The following AP3S2 variants were observed in gnomAD, a reference collection of about 807,000 sequenced individuals.
AP3S2 encodes adaptor related protein complex 3 subunit sigma 2.
In AP3S2, 22 loss-of-function variants were observed where a neutral mutation model predicts 23.4. The ratio of observed to expected loss-of-function variants is 0.94; its 90% CI spans 0.67 to 1.34. The LOEUF (loss-of-function observed/expected upper bound fraction) is 1.34, where lower values mean the gene tolerates loss of function less well. Among genes scored for constraint, AP3S2 ranks in the 40% most tolerant of loss-of-function variants. The probability of loss-of-function intolerance (pLI) is 0.00; values close to 1 mark genes in which losing one functional copy is unlikely to be tolerated. For missense variants in AP3S2, 241 were observed against 236.9 expected, an observed-to-expected ratio of 1.02 and a Z score of -0.11; for synonymous variants, 86 against 87.1, an observed-to-expected ratio of 0.99 and a Z score of 0.07.
chr15:89,858,476 AAAG>A (rs1895900243), intron 4 of AP3S2, among the ~76,000 whole-genome samples: 2 of 31,306 alleles, frequency 6.4e-5, no homozygotes, highest in African/African-American at 2.7e-4. Context: ...AGAAAGAAAG[AAAG>A]AAAGAAAGAA....
chr15:89,840,274 C>T (rs1895295960), intron 4 of AP3S2, among the ~76,000 whole-genome samples: 1 of 152,224 alleles, frequency 6.6e-6, no homozygotes, highest in Non-Finnish European at 1.5e-5. Flanking sequence ...TATACCTGCA[C>T]TTTCAGTATT....
At chr15:89,865,164 C>A (rs1044870000) in intron 4 of AP3S2, among the ~76,000 whole-genome samples, 12 of 152,116 alleles carry the variant, frequency 7.9e-5, no homozygotes, top group Non-Finnish European at 1.5e-4. Context: ...GGGAGCACTG[C>A]TCTACCTCAT....
intron 4 of AP3S2, among the ~76,000 whole-genome samples, chr15:89,847,783 T>C (rs1895533267): frequency 6.6e-6 from 1 of 152,190 alleles, no homozygotes; most frequent in Admixed American, 6.5e-5. Context: ...AATGTTTAAG[T>C]ATTTAAATTT....
intron 3 of AP3S2, chr15:89,878,294 G>A (rs1201795723): frequency 1.5e-6 from 1 of 664,048 alleles, no homozygotes. Flanking sequence ...ACAACTTCCA[G>A]ATGTACCTAC....
chr15:89,888,006 T>G (rs1021932992), intron 3 of AP3S2, among the ~76,000 whole-genome samples: 10 of 152,350 alleles, frequency 6.6e-5, no homozygotes, highest in African/African-American at 2.2e-4. Flanking sequence ...AAAATGTACA[T>G]GTCTGGCCTG....
At chr15:89,885,485 G>A (rs1052062730) in intron 3 of AP3S2, among the ~76,000 whole-genome samples, 1 of 152,186 alleles carries the variant, frequency 6.6e-6, no homozygotes, top group Non-Finnish European at 1.5e-5. Flanking sequence ...TTACAGGCAT[G>A]TGCCACTGCC....
chr15:89,857,794 C>G (rs1458121489), intron 4 of AP3S2, among the ~76,000 whole-genome samples: 1 of 152,192 alleles, frequency 6.6e-6, no homozygotes, highest in African/African-American at 2.4e-5. Context: ...TAATATTCAA[C>G]TAGTTCAGGT....
rs190301981 is a variant in AP3S2, at chr15:89,880,465, G to T, written c.273+8056C>A. Among the ~76,000 whole-genome samples, 918 of 152,196 alleles carry T rather than the reference G, an allele frequency of 6.0e-3. 15 individuals are homozygous for T. The highest frequency in any genetic ancestry group is 0.021 in the African/African-American group (883 of 41,514). On this transcript the variant is annotated intron_variant, in intron 3 of 5. Coordinates refer to ENST00000336418, the MANE Select transcript of AP3S2 (RefSeq NM_005829.5). The stretch of plus-strand genomic sequence containing the variant: ...CAACACTTTGGGAGGCCGAGGTCAG[G>T]AGTTTGAGACCAGCCTGGTCAACAT...
chr15:89,881,319 T>A (rs1385340503), intron 3 of AP3S2, among the ~76,000 whole-genome samples: 1 of 152,182 alleles, frequency 6.6e-6, no homozygotes, highest in Non-Finnish European at 1.5e-5. Flanking sequence ...AACATTAGAG[T>A]TTCTTCAACA....
At chr15:89,880,193 G>T (rs757215821) in intron 3 of AP3S2, among the ~76,000 whole-genome samples, 13 of 151,864 alleles carry the variant, frequency 8.6e-5, no homozygotes, top group Non-Finnish European at 1.9e-4. Flanking sequence ...TTCAAAAGAA[G>T]AAATGAATAA....
chr15:89,864,565 CATT>C (rs1896074825), intron 4 of AP3S2, among the ~76,000 whole-genome samples: 1 of 151,696 alleles, frequency 6.6e-6, no homozygotes, highest in Non-Finnish European at 1.5e-5. Context: ...TCTACCAACA[CATT>C]TTTTTTTTTT....
intron 3 of AP3S2, among the ~76,000 whole-genome samples, chr15:89,883,509 C>G (rs1896621485): frequency 6.6e-6 from 1 of 151,982 alleles, no homozygotes; most frequent in Non-Finnish European, 1.5e-5. Flanking sequence ...AGTCCTCCTG[C>G]TTTAGCCACA....
chr15:89,861,283 G>T (rs148751788), intron 4 of AP3S2, among the ~76,000 whole-genome samples: 217 of 151,994 alleles, frequency 1.4e-3, no homozygotes, highest in Middle Eastern at 3.4e-3. Context: ...CTCTTGAGAG[G>T]GCCCACTGCA....
intron 2 of AP3S2, 46 bp downstream of exon 2, chr15:89,889,003 A>C (rs1363834701): frequency 1.2e-6 from 2 of 1,610,756 alleles, no homozygotes; most frequent in Non-Finnish European, 1.7e-6. Flanking sequence ...AATGAAGGCC[A>C]CTCACAAGTG....
At chr15:89,836,550 T>G (rs921011436) in intron 5 of AP3S2, among the ~76,000 whole-genome samples, 3 of 152,108 alleles carry the variant, frequency 2.0e-5, no homozygotes, top group African/African-American at 2.4e-5. Context: ...GAAGAGCTGG[T>G]GACAAAACGC....
chr15:89,884,168 A>AT (rs1896639110), intron 3 of AP3S2: 1 of 153,074 alleles, frequency 6.5e-6, no homozygotes, highest in South Asian at 2.1e-4. Flanking sequence ...AATGCTTCTT[A>AT]TTCCAGTTTG....
chr15:89,860,724 C>CA (rs950469033), intron 4 of AP3S2, among the ~76,000 whole-genome samples: 23 of 145,814 alleles, frequency 1.6e-4, no homozygotes, highest in South Asian at 6.5e-4. Context: ...TTACTTAAGC[C>CA]AAAAAAAAAA....
rs143172663 is a variant in AP3S2, at chr15:89,858,493, AAGAGAGAGAG to A, written c.345+12972_345+12981del. Among the ~76,000 whole-genome samples the A allele has an allele frequency of 6.9e-3, 415 of 60,224 alleles. 7 individuals are homozygous for A. Among genetic ancestry groups the A allele is most frequent in the African/African-American group, 0.02 (395 of 19,858 alleles). The allele number at this position is 60,224 out of a possible 152,430, so 39.5% of individuals were successfully genotyped here. On this transcript the variant is annotated intron_variant, in intron 4 of 5. Coordinates refer to ENST00000336418, the MANE Select transcript of AP3S2 (RefSeq NM_005829.5). Reference sequence around the variant, plus strand: ...AAAGAAAGAAAGAAAGAAAGAAAGAAAGAGAGAGAGAGAGAGAGAGAGAGAGAGAGAGAAA... The same window carrying A: ...AAAGAAAGAAAGAAAGAAAGAAAGAAAGAGAGAGAGAGAGAGAGAGAGAAA...
At chr15:89,874,413 G>A (rs1896393683) in intron 3 of AP3S2, among the ~76,000 whole-genome samples, 1 of 152,180 alleles carries the variant, frequency 6.6e-6, no homozygotes, top group Non-Finnish European at 1.5e-5. Context: ...AAACAAGGCT[G>A]TTTATTTCAC....
Sources: gnomAD v4.1 joint callset for allele counts (sites outside exome capture counted in the v4.1 genomes callset) on GRCh38, gnomAD v4.1.1 for gene constraint, MANE v1.5 for transcripts, NCBI Gene and HGNC (gene_info 2026-07-23, HGNC 2026-07-21) for gene names.